The following TCF4 variants were observed in gnomAD, a reference collection of about 807,000 sequenced individuals.
TCF4 encodes the protein transcription factor 4, also known as SL3-3 enhancer factor 2.
A neutral mutation model predicts 82.1 loss-of-function variants in TCF4; 3 were observed. That is an observed-to-expected ratio of 0.04 (90% CI 0.02 to 0.09). The LOEUF (loss-of-function observed/expected upper bound fraction) is 0.09. Among genes scored for constraint, TCF4 ranks in the 10% least tolerant of loss-of-function variants. The pLI, the probability that TCF4 is intolerant of heterozygous loss-of-function variation, is 1.00. For synonymous variants in TCF4, 276 were observed against 309.6 expected (o/e 0.89, Z 1.14); for missense variants, 518 against 852.7 (o/e 0.61, Z 4.89).
At chr18:55,506,051 G>A (rs913646333) in intron 3 of TCF4, among the ~76,000 whole-genome samples, 1 of 152,164 alleles carries the variant, frequency 6.6e-6, no homozygotes, top group Non-Finnish European at 1.5e-5. Context: ...TTTGAGAAAT[G>A]GTTTCTTCAT....
At chr18:55,459,184 C>T (rs1355415235) in intron 5 of TCF4, among the ~76,000 whole-genome samples, 2 of 152,166 alleles carry the variant, frequency 1.3e-5, no homozygotes. Flanking sequence ...GCAAAGCTGA[C>T]ATGGATTTGC....
rs570557851 is a variant in TCF4, at chr18:55,377,730, T to C, written c.369+25724A>G. On this transcript the variant is annotated intron_variant, in intron 6 of 19. Transcript: ENST00000354452. Reference sequence around the variant, plus strand: ...CATCCTTTTAAAGAGAAAACTTCATTTTACTTGTGGCATTGAACATCTACA... The same window carrying C: ...CATCCTTTTAAAGAGAAAACTTCATCTTACTTGTGGCATTGAACATCTACA... Among the ~76,000 whole-genome samples, 116 of 152,322 alleles carry C rather than the reference T, an allele frequency of 7.6e-4. 1 individual carries two copies. In the South Asian group the frequency reaches 0.013, roughly 17 times the overall value.
intron 6 of TCF4, among the ~76,000 whole-genome samples, chr18:55,374,653 C>T (rs375478033): frequency 1.8e-4 from 27 of 152,034 alleles, no homozygotes; most frequent in African/African-American, 6.0e-4. Context: ...GTAATCCCAG[C>T]AGTTTGGGAG....
intron 6 of TCF4, among the ~76,000 whole-genome samples, chr18:55,383,738 G>A (rs17089763): frequency 0.034 from 5,174 of 152,236 alleles, 280 homozygotes; most frequent in African/African-American, 0.12. Context: ...GGAATCTTAC[G>A]CTAAAAGGGC....
intron 8 of TCF4, chr18:55,302,443 A>G (rs765365881): frequency 7.2e-6 from 11 of 1,536,312 alleles, no homozygotes; most frequent in Non-Finnish European, 9.6e-6. Context: ...GGTCCAGGCA[A>G]CATAGCCCTG....
At chr18:55,463,970 G>GTGTGTC in intron 4 of TCF4, 106 bp downstream of exon 4, 1 of 611,510 alleles carries the variant, frequency 1.6e-6, no homozygotes, top group Non-Finnish European at 2.7e-6. Context: ...GTGTGTGTGT[G>GTGTGTC]TGTGTGTGAG....
chr18:55,302,378 G>T, intron 8 of TCF4: 3 of 1,528,054 alleles, frequency 2.0e-6, no homozygotes, highest in Non-Finnish European at 2.6e-6. Context: ...AGTCAGGCAG[G>T]CTCAGGATAG....
At chr18:55,593,815 C>T (rs1654210639) in intron 2 of TCF4, among the ~76,000 whole-genome samples, 1 of 151,908 alleles carries the variant, frequency 6.6e-6, no homozygotes, top group African/African-American at 2.4e-5. Flanking sequence ...TCTCTCAGGA[C>T]CTGAGGCAAA....
chr18:55,609,402 C>G (rs1310574371), intron 2 of TCF4, among the ~76,000 whole-genome samples: 1 of 152,114 alleles, frequency 6.6e-6, no homozygotes, highest in African/African-American at 2.4e-5. Flanking sequence ...AATTTGCTTT[C>G]TGAATGGCAT....
intron 4 of TCF4, among the ~76,000 whole-genome samples, chr18:55,462,687 A>T (rs531666733): frequency 1.4e-4 from 21 of 152,328 alleles, no homozygotes; most frequent in Middle Eastern, 3.4e-3. Context: ...AAATCATAAG[A>T]AATTGTGAAA....
intron 8 of TCF4, among the ~76,000 whole-genome samples, chr18:55,337,757 T>A (rs1184673589): frequency 2.6e-5 from 4 of 152,118 alleles, no homozygotes; most frequent in Admixed American, 2.6e-4. Flanking sequence ...TATTCTTTGG[T>A]ATTATTGCCT....
intron 5 of TCF4, among the ~76,000 whole-genome samples, chr18:55,449,111 C>G (rs537189335): frequency 1.3e-5 from 2 of 152,280 alleles, no homozygotes; most frequent in South Asian, 4.1e-4. Context: ...TGAGTTAGGT[C>G]AGTAACAGAA....
At chr18:55,376,199 T>C (rs1334449194) in intron 6 of TCF4, among the ~76,000 whole-genome samples, 2 of 151,972 alleles carry the variant, frequency 1.3e-5, no homozygotes, top group African/African-American at 4.8e-5. Flanking sequence ...TGTCTTTTTC[T>C]ATTTTTATTA....
At chr18:55,449,123 C>A (rs374646913) in intron 5 of TCF4, among the ~76,000 whole-genome samples, 2 of 152,134 alleles carry the variant, frequency 1.3e-5, no homozygotes, top group East Asian at 3.9e-4. Flanking sequence ...GTAACAGAAG[C>A]AAGGAAACTG....
chr18:55,293,376 C>G (rs917390743), intron 8 of TCF4, among the ~76,000 whole-genome samples: 31 of 152,106 alleles, frequency 2.0e-4, no homozygotes, highest in African/African-American at 7.5e-4. Flanking sequence ...AAAAACTGCT[C>G]TCTTACCAAA....
At chr18:55,480,586 G>A (rs1486816024) in intron 3 of TCF4, among the ~76,000 whole-genome samples, 1 of 152,204 alleles carries the variant, frequency 6.6e-6, no homozygotes, top group Non-Finnish European at 1.5e-5. Context: ...GGGCCTAACA[G>A]AAAGGTTCAT....
chr18:55,327,203 C>T (rs2076710052), intron 8 of TCF4, among the ~76,000 whole-genome samples: 1 of 151,578 alleles, frequency 6.6e-6, no homozygotes, highest in Non-Finnish European at 1.5e-5. Flanking sequence ...AATTTTTTTT[C>T]AATATACACA....
chr18:55,506,716 A>C (rs1290465368), intron 3 of TCF4, among the ~76,000 whole-genome samples: 1 of 152,194 alleles, frequency 6.6e-6, no homozygotes, highest in Non-Finnish European at 1.5e-5. Flanking sequence ...ACAAAATTCT[A>C]TATACGCTAT....
chr18:55,359,576 A>G (rs577050650), intron 6 of TCF4, among the ~76,000 whole-genome samples: 30 of 152,338 alleles, frequency 2.0e-4, no homozygotes, highest in Middle Eastern at 6.8e-3. Flanking sequence ...AGATGCTTGC[A>G]TGATTTCAAC....
Sources: gnomAD v4.1 joint callset for allele counts (sites outside exome capture counted in the v4.1 genomes callset) on GRCh38, gnomAD v4.1.1 for gene constraint, MANE v1.5 for transcripts, NCBI Gene and HGNC (gene_info 2026-07-23, HGNC 2026-07-21) for gene names.